Variants in RFTN1 observed in about 807,000 individuals in gnomAD.
RFTN1 encodes raftlin.
In RFTN1, 26 loss-of-function variants were observed where a neutral mutation model predicts 46.5. That is an observed-to-expected ratio of 0.56 (90% CI 0.41 to 0.78). The LOEUF is 0.78. RFTN1 is among the 30% of genes least tolerant of loss of function. RFTN1 has a pLI of 0.00. For synonymous variants in RFTN1, 261 were observed against 284.2 expected (o/e 0.92, Z 0.82); for missense variants, 693 against 718.7 (o/e 0.96, Z 0.41).
rs532274008 is a variant in RFTN1, at chr3:16,501,547, T to A, written c.-8-7670A>T. ...AATCTAAGGCAGCCTGTAAAGCTAATTTTAACAAATGCCAACAGCTCGTGA... is the reference window on the plus strand; with the variant it reads ...AATCTAAGGCAGCCTGTAAAGCTAAATTTAACAAATGCCAACAGCTCGTGA... On this transcript the variant is annotated intron_variant, in intron 1 of 9. Coordinates refer to ENST00000334133, the MANE Select transcript of RFTN1 (RefSeq NM_015150.2). Among the ~76,000 whole-genome samples the A allele has an allele frequency of 3.3e-5, 5 of 152,374 alleles. No homozygotes were observed. The East Asian group carries it at 9.6e-4, about 29-fold the overall frequency.
At chr3:16,389,291 G>A (rs112268646) in intron 4 of RFTN1, among the ~76,000 whole-genome samples, 107 of 152,254 alleles carry the variant, frequency 7.0e-4, no homozygotes, top group Non-Finnish European at 1.2e-3. Context: ...AAACTCCCAC[G>A]GTAAACAAGG....
At chr3:16,333,371 G>A (rs1347284892) in intron 7 of RFTN1, among the ~76,000 whole-genome samples, 1 of 152,164 alleles carries the variant, frequency 6.6e-6, no homozygotes, top group Non-Finnish European at 1.5e-5. Context: ...GTTTGCAAAT[G>A]GCCACAAAAT....
intron 1 of RFTN1, 85 bp from the exon 2 acceptor site, chr3:16,493,962 T>A: frequency 6.8e-7 from 1 of 1,480,894 alleles, no homozygotes; most frequent in Non-Finnish European, 9.3e-7. Flanking sequence ...ATGCCGTAAT[T>A]TTCCTGAAGA....
Position 16,326,787 on chromosome 3 carries a change from G to T in RFTN1, c.1236C>A (p.Val412=). The T allele has an allele frequency of 6.2e-7, 1 of 1,613,812 alleles. No individual in the cohort carries two copies. ...WQLTCVLPTP[V]VKTTSEGSVS... ...GTTATTGTTACCTGGTAGTCTTGAC[G>T]ACGGGAGTTGGTAGCACACAGGTGA... Residue 412 remains valine (V), a synonymous_variant, in exon 8 of 10, where the codon GTC becomes GTA. Transcript: ENST00000334133.
In RFTN1 at chr3:16,324,621, C is replaced by CCG. The variant is rs957893120; in HGVS notation, c.1251-1165_1251-1164insCG. Among the ~76,000 whole-genome samples, 9 of 136,614 alleles carry CCG rather than the reference C, an allele frequency of 6.6e-5. 1 individual carries two copies. The highest frequency in any genetic ancestry group is 2.4e-4 in the African/African-American group (9 of 37,714). 89.6% of individuals were successfully genotyped at this position (136,614 alleles called of 152,430 possible). ...ATAACAGAATGTCCCTGACCCCCCC[C>CCG]CTTTTAAGGTTGCATAGTATTCCAT... On this transcript the variant is annotated intron_variant, in intron 8 of 9. Transcript: ENST00000334133.
At chr3:16,501,120 G>A (rs774798308) in intron 1 of RFTN1, among the ~76,000 whole-genome samples, 11 of 152,156 alleles carry the variant, frequency 7.2e-5, no homozygotes, top group Non-Finnish European at 1.5e-4. Context: ...CTGAGTGACA[G>A]AGCAAGACTT....
rs78399093 is a variant in RFTN1 at position 16,500,640 on chromosome 3, T to A, written c.-8-6763A>T. 4.9e-3 allele frequency among the ~76,000 whole-genome samples: 749 copies of A among 152,292 alleles called. 5 individuals are homozygous for A. Among genetic ancestry groups the A allele is most frequent in the African/African-American group, 0.016 (648 of 41,572 alleles). ...ATTGCAAATGATCTGGAAACAAAGA[T>A]CCCTTGAATGGTGATCTTCTGGAAA... On this transcript the variant is annotated intron_variant, in intron 1 of 9. Coordinates refer to ENST00000334133, the MANE Select transcript of RFTN1 (RefSeq NM_015150.2). This position sits in a 1 kb window ranked among gnomAD's most constrained non-coding sequence, Gnocchi z 5.9.
In RFTN1 at chr3:16,500,107, T is replaced by C. The variant is rs1271787943; in HGVS notation, c.-8-6230A>G. On this transcript the variant is annotated intron_variant, in intron 1 of 9. Transcript: ENST00000334133. The surrounding 1 kb of genome is among the most constrained non-coding windows in gnomAD (Gnocchi z 5.9). ...GCTATTCACTGACTTTTTCTCTGGT[T>C]GTTGCTTGTTTTTGTAAAAAACACA... 1.3e-5 allele frequency among the ~76,000 whole-genome samples: 2 copies of C among 152,228 alleles called. No homozygotes were observed. The highest frequency in any genetic ancestry group is 2.9e-5 in the Non-Finnish European group (2 of 68,038).
chr3:16,425,479 C>A lies in RFTN1; in HGVS notation c.332+8372G>T, dbSNP rs112966293. Among the ~76,000 whole-genome samples the A allele has an allele frequency of 2.3e-5, 3 of 130,678 alleles. No individual in the cohort carries two copies. Among genetic ancestry groups the A allele is most frequent in the African/African-American group, 1.2e-4 (3 of 24,814 alleles). The allele number at this position is 130,678 out of a possible 152,430, so 85.7% of individuals were successfully genotyped here. On this transcript the variant is annotated intron_variant, in intron 3 of 9. Transcript: ENST00000334133. The surrounding 1 kb of genome is among the most constrained non-coding windows in gnomAD (Gnocchi z 4.3). ...CTCTCTCTCAGAAGAAACAAACAAA[C>A]AAAAAATAAATAAAATGTGAGGAAA...
chr3:16,415,430 T>TATACACACACAC, intron 3 of RFTN1, among the ~76,000 whole-genome samples: 1 of 114,260 alleles, frequency 8.8e-6, no homozygotes, highest in Non-Finnish European at 2.0e-5. Context: ...TATATATATA[T>TATACACACACAC]ACACACACAC....
intron 3 of RFTN1, among the ~76,000 whole-genome samples, chr3:16,415,182 T>G (rs1214935859): frequency 6.6e-6 from 1 of 151,694 alleles, no homozygotes; most frequent in African/African-American, 2.4e-5. Context: ...ACCTTCAAGA[T>G]TTTCATATGA....
chr3:16,492,523 C>T (rs568907299), intron 2 of RFTN1, among the ~76,000 whole-genome samples: 27 of 152,316 alleles, frequency 1.8e-4, no homozygotes, highest in Middle Eastern at 6.8e-3. Context: ...TGCTCTGAGG[C>T]AGAGCCAGGA....
At chr3:16,414,624 A>C (rs1472443831) in intron 3 of RFTN1, among the ~76,000 whole-genome samples, 1 of 151,554 alleles carries the variant, frequency 6.6e-6, no homozygotes, top group Non-Finnish European at 1.5e-5. Flanking sequence ...AAAAGAAAAG[A>C]AAAGGAAAAA....
In RFTN1 at chr3:16,370,269, G is replaced by A. The variant is rs1238641277; in HGVS notation, c.837C>T (p.Ile279=). Reference sequence around the variant, plus strand: ...TCTTCGGTTTGTTGAAAAGGGTGAAGATCTCCATTTCTGTTGGGATTTGTA... The same window carrying A: ...TCTTCGGTTTGTTGAAAAGGGTGAAAATCTCCATTTCTGTTGGGATTTGTA... The part of the protein sequence containing the change: ...HEEPLSGKME[I]FTLFNKPKSH... The change falls in exon 6 of 10, where the codon ATC becomes ATT. Residue 279 remains isoleucine (I), a synonymous_variant. Transcript: ENST00000334133. The surrounding 1 kb of genome is among the most constrained non-coding windows in gnomAD (Gnocchi z 5.5). 3 of 1,614,144 alleles carry A rather than the reference G, an allele frequency of 1.9e-6. No individual in the cohort carries two copies. The highest frequency in any genetic ancestry group is 4.5e-5 in the East Asian group (2 of 44,894).
At chr3:16,358,131 T>C in intron 6 of RFTN1, 84 bp from the exon 7 acceptor site, 1 of 758,174 alleles carries the variant, frequency 1.3e-6, no homozygotes, top group South Asian at 1.5e-5. Context: ...ACATTTCCAC[T>C]GCATTCATTA....
intron 4 of RFTN1, among the ~76,000 whole-genome samples, chr3:16,394,551 A>G (rs1484718813): frequency 6.6e-6 from 1 of 152,142 alleles, no homozygotes; most frequent in Non-Finnish European, 1.5e-5. Context: ...CTTCCCTTGG[A>G]AGGGGAGTGG....
chr3:16,437,601 C>T (rs1000918133), intron 2 of RFTN1, among the ~76,000 whole-genome samples: 1 of 152,024 alleles, frequency 6.6e-6, no homozygotes, highest in Admixed American at 6.6e-5. Flanking sequence ...GTCAAGGATG[C>T]AGTGAGCTGA....
At chr3:16,368,754 A>C (rs568770134) in intron 6 of RFTN1, among the ~76,000 whole-genome samples, 9 of 152,334 alleles carry the variant, frequency 5.9e-5, no homozygotes, top group Admixed American at 2.0e-4. Flanking sequence ...GCCACTAGCC[A>C]CATATAGTTA....
At chr3:16,415,817 C>T (rs554466964) in intron 3 of RFTN1, among the ~76,000 whole-genome samples, 40 of 152,118 alleles carry the variant, frequency 2.6e-4, no homozygotes, top group Non-Finnish European at 4.3e-4. Flanking sequence ...ATCTTCTCTC[C>T]AAGTTACTTA....
Sources: allele counts gnomAD v4.1 joint callset (sites outside exome capture counted in the v4.1 genomes callset), GRCh38; gene constraint gnomAD v4.1.1; non-coding constraint Gnocchi (gnomAD v3.1); transcripts MANE v1.5; gene names NCBI Gene and HGNC (gene_info 2026-07-23, HGNC 2026-07-21).